PEX7: variants seen among roughly 807,000 people sequenced by gnomAD.
PEX7 encodes peroxisomal biogenesis factor 7.
PEX7 carries 34 observed loss-of-function variants against 47.5 expected under a neutral mutation model. The ratio of observed to expected loss-of-function variants is 0.72; its 90% CI spans 0.54 to 0.95. The LOEUF is 0.95. Among genes scored for constraint, PEX7 ranks in the 40% least tolerant of loss-of-function variants. The pLI, the probability that PEX7 is intolerant of heterozygous loss-of-function variation, is 0.00. For missense variants in PEX7, 394 were observed against 400.3 expected, an observed-to-expected ratio of 0.98 and a Z score of 0.13; for synonymous variants, 141 against 148.8, an observed-to-expected ratio of 0.95 and a Z score of 0.38.
At chr6:136,893,032 G>A (rs1775583643) in intron 8 of PEX7, among the ~76,000 whole-genome samples, 2 of 152,082 alleles carry the variant, frequency 1.3e-5, no homozygotes, top group Admixed American at 6.6e-5. Flanking sequence ...TTAACAGTAG[G>A]GGAACCTGGC....
intron 8 of PEX7, among the ~76,000 whole-genome samples, chr6:136,875,204 T>G (rs1775249845): frequency 6.6e-6 from 1 of 152,078 alleles, no homozygotes; most frequent in Admixed American, 6.5e-5. Flanking sequence ...TTATTTCCTT[T>G]TTGGTACTTT....
At chr6:136,823,597 GAA>G (rs765616990) in intron 1 of PEX7, among the ~76,000 whole-genome samples, 1 of 151,704 alleles carries the variant, frequency 6.6e-6, no homozygotes, top group African/African-American at 2.4e-5. Flanking sequence ...GTCTTAAAAA[GAA>G]AAAAGGCCAA....
At chr6:136,858,170 A>G (rs765705843) in intron 5 of PEX7, among the ~76,000 whole-genome samples, 18 of 152,192 alleles carry the variant, frequency 1.2e-4, no homozygotes, top group Non-Finnish European at 2.6e-4. Context: ...GTGGAAATGT[A>G]TAAATGGATT....
chr6:136,845,417 C>G (rs1281119329), intron 3 of PEX7, among the ~76,000 whole-genome samples, 198 bp from the exon 4 acceptor site: 1 of 152,162 alleles, frequency 6.6e-6, no homozygotes, highest in African/African-American at 2.4e-5. Flanking sequence ...GGAGTCTTAT[C>G]TGTAAGGAAT....
intron 4 of PEX7, 62 bp from the exon 5 acceptor site, chr6:136,846,011 A>G (rs1774591859): frequency 4.4e-6 from 4 of 906,546 alleles, no homozygotes; most frequent in Admixed American, 1.8e-5. Context: ...TGTATGTAGT[A>G]TATGTAAAAG....
chr6:136,905,875 G>A (rs1164313118), intron 9 of PEX7, among the ~76,000 whole-genome samples: 1 of 152,158 alleles, frequency 6.6e-6, no homozygotes, highest in Non-Finnish European at 1.5e-5. Context: ...CTAGAGATCT[G>A]GGAAGTAATC....
rs746105680 is a variant in PEX7 at position 136,866,757 on chromosome 6, T to C, written c.633+24T>C. The C allele has an allele frequency of 7.1e-6, 11 of 1,557,546 alleles. No individual in the cohort carries two copies. In the South Asian group the frequency reaches 1.1e-4, roughly 16 times the overall value. ...AGGTATAGTGTATGGCTCTATCCTA[T>C]GCTGCTGTCCTTCCTAATGTTAAAA... On this transcript the variant is annotated intron_variant, in intron 6 of 9. Coordinates refer to ENST00000318471, the MANE Select transcript of PEX7 (RefSeq NM_000288.4).
intron 9 of PEX7, among the ~76,000 whole-genome samples, chr6:136,908,112 A>G (rs1582783287): frequency 6.6e-6 from 1 of 152,194 alleles, no homozygotes; most frequent in African/African-American, 2.4e-5. Flanking sequence ...TATATGCCAT[A>G]CATACCTCTG....
intron 5 of PEX7, among the ~76,000 whole-genome samples, chr6:136,857,417 G>C (rs1774880260): frequency 6.6e-6 from 1 of 152,214 alleles, no homozygotes; most frequent in South Asian, 2.1e-4. Flanking sequence ...GAGTCAGTCA[G>C]ATATTTATTG....
intron 3 of PEX7, among the ~76,000 whole-genome samples, chr6:136,832,946 A>G (rs758034311): frequency 2.8e-4 from 42 of 152,142 alleles, no homozygotes; most frequent in Non-Finnish European, 4.6e-4. Flanking sequence ...ACTTTCCCAC[A>G]TCTTCCTGTC....
chr6:136,826,219 A>G, intron 2 of PEX7, 100 bp from the exon 3 acceptor site: 1 of 1,325,604 alleles, frequency 7.5e-7, no homozygotes, highest in Non-Finnish European at 1.1e-6. Context: ...AAAATGTGTG[A>G]TAAATTGAAA....
At chr6:136,837,738 C>T (rs9483953) in intron 3 of PEX7, among the ~76,000 whole-genome samples, 3,015 of 151,902 alleles carry the variant, frequency 0.02, 106 homozygotes, top group African/African-American at 0.069. Context: ...GAAGGTACAA[C>T]TTGAAGGGAC....
intron 5 of PEX7, among the ~76,000 whole-genome samples, chr6:136,857,405 G>A (rs565766998): frequency 6.6e-6 from 1 of 152,208 alleles, no homozygotes. Flanking sequence ...GACGCTGCTA[G>A]TGAGTCAGTC....
intron 8 of PEX7, among the ~76,000 whole-genome samples, chr6:136,887,606 A>G (rs1408405867): frequency 6.6e-6 from 1 of 150,932 alleles, no homozygotes; most frequent in Non-Finnish European, 1.5e-5. Flanking sequence ...TCATATGCGT[A>G]TGTGTAGAGA....
At chr6:136,864,638 A>G (rs2115211635) in intron 5 of PEX7, among the ~76,000 whole-genome samples, 1 of 152,338 alleles carries the variant, frequency 6.6e-6, no homozygotes, top group Non-Finnish European at 1.5e-5. Context: ...TAGCTTAACA[A>G]TATATGATTT....
At chr6:136,833,378 G>A (rs1022122443) in intron 3 of PEX7, among the ~76,000 whole-genome samples, 4 of 152,216 alleles carry the variant, frequency 2.6e-5, no homozygotes, top group Admixed American at 1.3e-4. Context: ...TACAATTCAA[G>A]ATGAGATCCG....
intron 8 of PEX7, among the ~76,000 whole-genome samples, chr6:136,887,181 G>A (rs534052863): frequency 1.2e-4 from 18 of 152,216 alleles, no homozygotes; most frequent in African/African-American, 3.9e-4. Context: ...TAAGGAGGCA[G>A]CATGATGTAA....
At chr6:136,865,795 A>G (rs1432722743) in intron 5 of PEX7, among the ~76,000 whole-genome samples, 1 of 151,762 alleles carries the variant, frequency 6.6e-6, no homozygotes, top group Non-Finnish European at 1.5e-5. Context: ...TATCAAAATA[A>G]ATAAATAGGC....
At chr6:136,891,446 A>G (rs1253035043) in intron 8 of PEX7, among the ~76,000 whole-genome samples, 1 of 152,162 alleles carries the variant, frequency 6.6e-6, no homozygotes, top group Non-Finnish European at 1.5e-5. Flanking sequence ...ATTGTTCAGT[A>G]GTTTTTCACA....
Sources: allele counts gnomAD v4.1 joint callset (sites outside exome capture counted in the v4.1 genomes callset), GRCh38; gene constraint gnomAD v4.1.1; transcripts MANE v1.5; gene names NCBI Gene and HGNC (gene_info 2026-07-23, HGNC 2026-07-21).